Variants in GUCY2C observed in about 807,000 individuals in gnomAD.
GUCY2C encodes guanylate cyclase 2C, also known as guanylyl cyclase C.
Under a neutral mutation model 131.1 loss-of-function variants are expected in GUCY2C, and 118 were observed. That is an observed-to-expected ratio of 0.90 (90% confidence interval 0.78 to 1.05). The LOEUF (loss-of-function observed/expected upper bound fraction) is 1.05, where lower values mean the gene tolerates loss of function less well. GUCY2C is among the 50% of genes least tolerant of loss of function. GUCY2C has a pLI of 0.00. For synonymous variants in GUCY2C, 452 were observed against 457.8 expected, an observed-to-expected ratio of 0.99 and a Z score of 0.16; for missense variants, 1,161 against 1,304.4, an observed-to-expected ratio of 0.89 and a Z score of 1.69.
chr12:14,664,169 G>A (rs1947923557), intron 10 of GUCY2C, among the ~76,000 whole-genome samples: 1 of 152,148 alleles, frequency 6.6e-6, no homozygotes, highest in Non-Finnish European at 1.5e-5. Flanking sequence ...CATCGGGGCA[G>A]AAATAAATTC....
chr12:14,684,104 A>C (rs1234324422), intron 3 of GUCY2C, among the ~76,000 whole-genome samples: 1 of 152,092 alleles, frequency 6.6e-6, no homozygotes, highest in East Asian at 1.9e-4. Flanking sequence ...CATTCTTCTG[A>C]AAGTTGGCTG....
chr12:14,670,784 TCG>T (rs1948090566), intron 9 of GUCY2C, among the ~76,000 whole-genome samples: 2 of 151,882 alleles, frequency 1.3e-5, no homozygotes, highest in Non-Finnish European at 2.9e-5. Context: ...CTCCCCAGCC[TCG>T]CTGGGGAGTC....
chr12:14,661,105 C>T, intron 10 of GUCY2C, 43 bp from the exon 11 acceptor site: 5 of 1,201,712 alleles, frequency 4.2e-6, no homozygotes, highest in Non-Finnish European at 6.2e-6. Flanking sequence ...GACAAGAGAG[C>T]AAAAGCATTT....
At chr12:14,622,251 T>C (rs1946912623) in intron 21 of GUCY2C, 54 bp from the exon 22 acceptor site, 7 of 1,173,660 alleles carry the variant, frequency 6.0e-6, no homozygotes, top group Middle Eastern at 2.6e-4. Flanking sequence ...TTTCTTCTTG[T>C]TTCACATAAA....
chr12:14,687,297 A>G (rs747590830), intron 2 of GUCY2C, among the ~76,000 whole-genome samples: 2 of 152,202 alleles, frequency 1.3e-5, no homozygotes, highest in Non-Finnish European at 2.9e-5. Flanking sequence ...ACAAAGGCAA[A>G]CCAGTTTATA....
chr12:14,664,462 A>T (rs1287747695), intron 10 of GUCY2C, among the ~76,000 whole-genome samples: 1 of 151,972 alleles, frequency 6.6e-6, no homozygotes, highest in Non-Finnish European at 1.5e-5. Context: ...TACAGTATGA[A>T]CATCTCACTG....
chr12:14,695,824 A>ATTTTATTTTATTTTATTTAT (rs1948646064), intron 1 of GUCY2C, among the ~76,000 whole-genome samples: 1 of 151,930 alleles, frequency 6.6e-6, no homozygotes, highest in South Asian at 2.1e-4. Context: ...GTTTATTTTT[A>ATTTTATTTTATTTTATTTAT]TTTATTTTCT....
chr12:14,621,343 A>C, intron 22 of GUCY2C, 127 bp from the exon 23 acceptor site: 1 of 786,006 alleles, frequency 1.3e-6, no homozygotes, highest in Non-Finnish European at 2.1e-6. Context: ...AGCCCTTTAC[A>C]CTTTTTCTGG....
At chr12:14,681,824 G>T (rs558214208) in intron 4 of GUCY2C, among the ~76,000 whole-genome samples, 1 of 152,276 alleles carries the variant, frequency 6.6e-6, no homozygotes, top group African/African-American at 2.4e-5. Context: ...TGAGTCATTT[G>T]TGATGGTTTC....
At chr12:14,643,058 T>C (rs920456029) in intron 17 of GUCY2C, among the ~76,000 whole-genome samples, 1 of 152,158 alleles carries the variant, frequency 6.6e-6, no homozygotes, top group African/African-American at 2.4e-5. Flanking sequence ...TATGTTATCT[T>C]TTTTGACTCT....
rs894204402 is a variant in GUCY2C, at chr12:14,652,937, A to G, written c.1533+15T>C. 6.4e-7 allele frequency: 1 copy of G among 1,569,772 alleles called. No homozygotes were observed. Among genetic ancestry groups the G allele is most frequent in the Non-Finnish European group, 8.8e-7 (1 of 1,139,508 alleles). ...CATACCCCAGTGGAGAGTTCAGAGAAGTGGGAGAGGTCACCTTTTTGTCGT... is the reference window on the plus strand; with the variant it reads ...CATACCCCAGTGGAGAGTTCAGAGAGGTGGGAGAGGTCACCTTTTTGTCGT... On this transcript the variant is annotated intron_variant, in intron 13 of 26. Coordinates refer to ENST00000261170, the MANE Select transcript of GUCY2C (RefSeq NM_004963.4).
At chr12:14,669,003 G>A (rs190555618) in intron 10 of GUCY2C, among the ~76,000 whole-genome samples, 102 of 152,276 alleles carry the variant, frequency 6.7e-4, no homozygotes, top group Non-Finnish European at 1.1e-3. Flanking sequence ...GATATGTCAA[G>A]TATTTCTTGC....
intron 4 of GUCY2C, among the ~76,000 whole-genome samples, chr12:14,682,006 C>T (rs758950897): frequency 1.2e-4 from 19 of 152,140 alleles, no homozygotes; most frequent in South Asian, 4.1e-4. Context: ...GGTCTCTAGA[C>T]GTGCATCCCT....
rs750168722 is a variant in GUCY2C at position 14,639,882 on chromosome 12, C to T, written c.2137G>A (p.Ala713Thr). The stretch of plus-strand genomic sequence containing the variant: ...CTCACTTCTAGCTCTTTTTCCTCTG[C>T]TGTTTCCAAGAATAAATCTGGGCGG... The part of the protein sequence containing the change: ...PFRPDLFLET[A>T]EEKELEVYLL... The change falls in exon 19 of 27, where the codon GCA (alanine) becomes ACA (threonine). Residue 713 changes from alanine (A) to threonine (T), a missense_variant. Transcript: ENST00000261170. 3 of 1,603,550 alleles carry T rather than the reference C, an allele frequency of 1.9e-6. No individual in the cohort carries two copies. Among genetic ancestry groups the T allele is most frequent in the Middle Eastern group, 1.7e-4 (1 of 6,050 alleles).
intron 1 of GUCY2C, among the ~76,000 whole-genome samples, chr12:14,695,895 G>A (rs1404397865): frequency 6.6e-6 from 1 of 152,072 alleles, no homozygotes; most frequent in African/African-American, 2.4e-5. Flanking sequence ...CGGGCTCAGT[G>A]TCCCTCCTTC....
intron 19 of GUCY2C, among the ~76,000 whole-genome samples, chr12:14,632,329 T>C (rs1947162760): frequency 6.6e-6 from 1 of 152,206 alleles, no homozygotes; most frequent in African/African-American, 2.4e-5. Flanking sequence ...TGGTAATGCC[T>C]AGGTTTTCTT....
At chr12:14,660,552 GT>G (rs1295448713) in intron 11 of GUCY2C, among the ~76,000 whole-genome samples, 1 of 152,138 alleles carries the variant, frequency 6.6e-6, no homozygotes, top group Non-Finnish European at 1.5e-5. Flanking sequence ...GTCTAAATAT[GT>G]AATTTAATGA....
chr12:14,686,741 C>A (rs1948478286), intron 2 of GUCY2C, among the ~76,000 whole-genome samples: 1 of 152,118 alleles, frequency 6.6e-6, no homozygotes, highest in Non-Finnish European at 1.5e-5. Flanking sequence ...TTTGGAGAAC[C>A]AGGTTATACC....
Position 14,674,352 on chromosome 12 carries a change from T to C in GUCY2C, c.1084+273A>G. ...ACAGTCAGGACATTACTGCTCAAAA[T>C]GCCTTATGATGAGCTTGTTCATAAG... On this transcript the variant is annotated intron_variant, in intron 8 of 26. Transcript: ENST00000261170. 6.5e-6 allele frequency: 3 copies of C among 462,194 alleles called. No individual in the cohort carries two copies. The South Asian group carries it at 6.5e-5, about 10-fold the overall frequency. 28.6% of individuals were successfully genotyped at this position (462,194 alleles called of 1,614,324 possible).
Sources: gnomAD v4.1 joint callset for allele counts (sites outside exome capture counted in the v4.1 genomes callset) on GRCh38, gnomAD v4.1.1 for gene constraint, MANE v1.5 for transcripts, NCBI Gene and HGNC (gene_info 2026-07-23, HGNC 2026-07-21) for gene names.